Variants in SLC44A1 observed in about 807,000 individuals in gnomAD.
The protein encoded by SLC44A1 is choline transporter-like protein 1.
Under a neutral mutation model 79.3 loss-of-function variants are expected in SLC44A1, and 26 were observed. The ratio of observed to expected loss-of-function variants is 0.33; its 90% confidence interval spans 0.24 to 0.46. The LOEUF is 0.46. SLC44A1 is among the 20% of genes least tolerant of loss of function. SLC44A1 has a pLI of 1.00. For missense variants in SLC44A1, 688 were observed against 798.1 expected (o/e 0.86, Z 1.66); for synonymous variants, 263 against 286.2 (o/e 0.92, Z 0.82).
At chr9:105,361,536 AC>A (rs1023609910) in intron 8 of SLC44A1, among the ~76,000 whole-genome samples, 9 of 152,054 alleles carry the variant, frequency 5.9e-5, no homozygotes, top group Admixed American at 4.6e-4. Context: ...CATTTTTTCT[AC>A]CCTGTCTGCT....
At position 105,393,275 on chromosome 9, in the gene SLC44A1, T is replaced by C; in HGVS notation, c.*4219T>C. 2 of 985,468 alleles carry C rather than the reference T, an allele frequency of 2.0e-6. No individual in the cohort carries two copies. The highest frequency in any genetic ancestry group is 2.4e-6 in the Non-Finnish European group (2 of 829,926). 61.0% of individuals were successfully genotyped at this position (985,468 alleles called of 1,614,324 possible). On this transcript the variant is annotated 3_prime_UTR_variant, in exon 16 of 16. Transcript: ENST00000374720. ...CCTTTTGAAAAGTAGGCACTATTCA[T>C]ACACAGTAGCTTCTTGGAATTAACT...
At chr9:105,379,478 G>A (rs1467259641) in intron 13 of SLC44A1, among the ~76,000 whole-genome samples, 3 of 152,116 alleles carry the variant, frequency 2.0e-5, no homozygotes, top group South Asian at 2.1e-4. Flanking sequence ...TGTTATCATT[G>A]AAGGAAGTTG....
At chr9:105,282,826 G>A (rs1460196240) in intron 1 of SLC44A1, among the ~76,000 whole-genome samples, 4 of 152,256 alleles carry the variant, frequency 2.6e-5, no homozygotes, top group East Asian at 3.9e-4. Flanking sequence ...GATTACAGGC[G>A]TGAGCCACTG....
intron 3 of SLC44A1, among the ~76,000 whole-genome samples, chr9:105,329,493 A>G (rs1309692570): frequency 6.6e-6 from 1 of 152,134 alleles, no homozygotes; most frequent in African/African-American, 2.4e-5. Flanking sequence ...GCAGGAGGCA[A>G]TTTAATGGCA....
rs1460047743 is a variant in SLC44A1 at position 105,302,674 on chromosome 9, T to A, written c.126+3365T>A. On this transcript the variant is annotated intron_variant, in intron 2 of 15. Transcript: ENST00000374720. ...GCCTAGAATTAGCTGGGATCTTTTCTAAAAAAAAAAAAAAAACCTAATTCC... is the reference window on the plus strand; with the variant it reads ...GCCTAGAATTAGCTGGGATCTTTTCAAAAAAAAAAAAAAAAACCTAATTCC... Among the ~76,000 whole-genome samples, 215 of 132,508 alleles carry A rather than the reference T, an allele frequency of 1.6e-3. 2 individuals are homozygous for A. Among genetic ancestry groups the A allele is most frequent in the African/African-American group, 5.4e-3 (201 of 37,270 alleles). The allele number at this position is 132,508 out of a possible 152,430, so 86.9% of individuals were successfully genotyped here.
intron 1 of SLC44A1, among the ~76,000 whole-genome samples, chr9:105,269,681 C>A (rs1403506254): frequency 1.3e-5 from 2 of 152,180 alleles, no homozygotes; most frequent in Admixed American, 1.3e-4. Context: ...TTTCTTCCCC[C>A]TTTTAAAACC....
At chr9:105,328,890 T>C (rs935617276) in intron 3 of SLC44A1, among the ~76,000 whole-genome samples, 2 of 151,998 alleles carry the variant, frequency 1.3e-5, no homozygotes, top group Admixed American at 1.3e-4. Flanking sequence ...ACCTCATGGG[T>C]TGGGTTTCTT....
At position 105,366,382 on chromosome 9, in the gene SLC44A1, A is replaced by C; in HGVS notation, c.1447A>C (p.Ile483Leu). 1 of 1,531,324 alleles carries C rather than the reference A, an allele frequency of 6.5e-7. No individual in the cohort carries two copies. The highest frequency in any genetic ancestry group is 8.8e-7 in the Non-Finnish European group (1 of 1,140,280). 94.9% of individuals were successfully genotyped at this position (1,531,324 alleles called of 1,614,324 possible). The change falls in exon 12 of 16, where the codon ATT becomes CTT. Residue 483 changes from isoleucine to leucine, a missense_variant. By Grantham distance (5) the Ile-to-Leu change is conservative (BLOSUM62 2). Transcript: ENST00000374720. Reference protein sequence around the residue: ...ACARCVLKSCICCLWCLEKCL... With the variant: ...ACARCVLKSCLCCLWCLEKCL... ...TGCACGATGTGTGCTGAAATCTTGC[A>C]TTTGTTGCCTTTGGTGTCTTGAAAA...
At chr9:105,418,152 A>G (rs1353875950) in intron 15 of SLC44A1, among the ~76,000 whole-genome samples, 1 of 151,930 alleles carries the variant, frequency 6.6e-6, no homozygotes, top group Non-Finnish European at 1.5e-5. Flanking sequence ...ATCTCTACTA[A>G]AAATACAAAA....
chr9:105,261,720 G>GGT (rs1829842791), intron 1 of SLC44A1, among the ~76,000 whole-genome samples: 1 of 151,776 alleles, frequency 6.6e-6, no homozygotes, highest in Non-Finnish European at 1.5e-5. Flanking sequence ...GCTACGGAGG[G>GGT]GTGTAGCTTT....
intron 2 of SLC44A1, among the ~76,000 whole-genome samples, chr9:105,303,214 A>G (rs1442932024): frequency 6.6e-6 from 1 of 152,070 alleles, no homozygotes; most frequent in Admixed American, 6.6e-5. Flanking sequence ...ATTATGCCCA[A>G]TAAGGTACTC....
chr9:105,380,617 A>G (rs1380798004), intron 13 of SLC44A1, among the ~76,000 whole-genome samples: 1 of 152,134 alleles, frequency 6.6e-6, no homozygotes, highest in Non-Finnish European at 1.5e-5. Context: ...GCTGTTACTA[A>G]TATATGTCTT....
rs779629639 is a variant in SLC44A1, at chr9:105,393,681, A to G, written c.*4625A>G. 149 of 984,386 alleles carry G rather than the reference A, an allele frequency of 1.5e-4. No individual in the cohort carries two copies. Among genetic ancestry groups the G allele is most frequent in the Non-Finnish European group, 1.7e-4 (137 of 829,096 alleles). The allele number at this position is 984,386 out of a possible 1,614,324, so 61.0% of individuals were successfully genotyped here. On this transcript the variant is annotated 3_prime_UTR_variant, in exon 16 of 16. Transcript: ENST00000374720. ...TACATGTAAAGACAAATGATGATTCAGTTTCAATATTGCATGAACAATTGC... is the reference window on the plus strand; with the variant it reads ...TACATGTAAAGACAAATGATGATTCGGTTTCAATATTGCATGAACAATTGC...
intron 3 of SLC44A1, among the ~76,000 whole-genome samples, chr9:105,330,617 C>T (rs562250139): frequency 5.7e-4 from 87 of 152,290 alleles, no homozygotes; most frequent in Non-Finnish European, 1.1e-3. Context: ...TAATGTCCCA[C>T]CTTTGTCTCG....
At chr9:105,413,689 T>A (rs941730033) in intron 15 of SLC44A1, among the ~76,000 whole-genome samples, 4 of 152,218 alleles carry the variant, frequency 2.6e-5, no homozygotes, top group Non-Finnish European at 5.9e-5. Flanking sequence ...TGAGATGCAG[T>A]CCTAATCCAG....
At chr9:105,388,323 G>A (rs1828682396) in intron 15 of SLC44A1, among the ~76,000 whole-genome samples, 1 of 152,128 alleles carries the variant, frequency 6.6e-6, no homozygotes, top group South Asian at 2.1e-4. Context: ...AAAGTTTGGG[G>A]ATTGATAGAA....
intron 1 of SLC44A1, among the ~76,000 whole-genome samples, chr9:105,264,619 T>C (rs1412678392): frequency 6.6e-6 from 1 of 152,248 alleles, no homozygotes; most frequent in Non-Finnish European, 1.5e-5. Context: ...AATTGGCTTA[T>C]AAACTCTCAC....
At chr9:105,273,903 A>G (rs1366217404) in intron 1 of SLC44A1, among the ~76,000 whole-genome samples, 2 of 152,148 alleles carry the variant, frequency 1.3e-5, no homozygotes, top group Non-Finnish European at 2.9e-5. Context: ...CTAAGTTGCA[A>G]GGAATCTTCC....
intron 3 of SLC44A1, among the ~76,000 whole-genome samples, chr9:105,318,098 C>T (rs1041094809): frequency 3.4e-4 from 52 of 152,284 alleles, no homozygotes; most frequent in African/African-American, 1.1e-3. Context: ...AACTTATTTC[C>T]TCCCAAATTT....
Sources: gnomAD v4.1 joint callset for allele counts (sites outside exome capture counted in the v4.1 genomes callset) on GRCh38, gnomAD v4.1.1 for gene constraint, MANE v1.5 for transcripts, NCBI Gene and HGNC (gene_info 2026-07-23, HGNC 2026-07-21) for gene names.